Variants in FUT8 observed in about 807,000 individuals in gnomAD.
FUT8 encodes the protein fucosyltransferase 8.
FUT8 carries 29 observed loss-of-function variants against 71.3 expected under a neutral mutation model. The observed-to-expected ratio is 0.41, with a 90% confidence interval of 0.30 to 0.55. FUT8 has a LOEUF of 0.55. Among genes scored for constraint, FUT8 ranks in the 20% least tolerant of loss-of-function variants. FUT8 has a pLI of 0.34. For synonymous variants in FUT8, 254 were observed against 239.3 expected (o/e 1.06, Z -0.57); for missense variants, 544 against 702.1 (o/e 0.77, Z 2.55).
intron 7 of FUT8, among the ~76,000 whole-genome samples, chr14:65,687,363 T>A (rs1256381773): frequency 6.6e-6 from 1 of 152,186 alleles, no homozygotes; most frequent in Admixed American, 6.5e-5. Flanking sequence ...TTGTGTTAAT[T>A]GGACAGTAGT....
In FUT8 at chr14:65,514,087, G is replaced by A. The variant is rs1160947697; in HGVS notation, c.-227-47250G>A. Among the ~76,000 whole-genome samples, 3 of 152,200 alleles carry A rather than the reference G, an allele frequency of 2.0e-5. No homozygotes were observed. The East Asian group carries it at 5.8e-4, about 29-fold the overall frequency. ...TATAAGCTGGCTAAAACTGGCTTAGGGTCTGTAGCATTTTAGCAGGAAAGA... is the reference window on the plus strand; with the variant it reads ...TATAAGCTGGCTAAAACTGGCTTAGAGTCTGTAGCATTTTAGCAGGAAAGA... On this transcript the variant is annotated intron_variant, in intron 2 of 10. Transcript: ENST00000673929.
intron 3 of FUT8, among the ~76,000 whole-genome samples, chr14:65,572,155 A>G (rs1274563206): frequency 1.3e-5 from 2 of 152,288 alleles, no homozygotes; most frequent in East Asian, 1.9e-4. Flanking sequence ...GTGGCACCCT[A>G]TCAACTAGAT....
intron 2 of FUT8, among the ~76,000 whole-genome samples, chr14:65,532,722 T>C (rs1416589717): frequency 2.0e-5 from 3 of 152,214 alleles, no homozygotes; most frequent in African/African-American, 2.4e-5. Context: ...CCAGGTCCTA[T>C]GTTCAGAATG....
intron 7 of FUT8, among the ~76,000 whole-genome samples, chr14:65,688,880 C>T (rs1014196599): frequency 6.6e-6 from 1 of 152,204 alleles, no homozygotes; most frequent in Admixed American, 6.5e-5. Context: ...GGCCTTCTTC[C>T]TGGTGTTTAC....
chr14:65,728,991 T>C (rs1352826202), intron 9 of FUT8, among the ~76,000 whole-genome samples: 2 of 151,064 alleles, frequency 1.3e-5, no homozygotes, highest in African/African-American at 4.9e-5. Context: ...AATACAGCAA[T>C]AGATCCATTC....
chr14:65,526,081 C>G (rs1462628807), intron 2 of FUT8, among the ~76,000 whole-genome samples: 2 of 152,150 alleles, frequency 1.3e-5, no homozygotes, highest in African/African-American at 2.4e-5. Context: ...ATTAGGTCTG[C>G]TTGGTGCAGA....
At chr14:65,685,206 A>T (rs1218062433) in intron 7 of FUT8, among the ~76,000 whole-genome samples, 1 of 152,190 alleles carries the variant, frequency 6.6e-6, no homozygotes, top group Non-Finnish European at 1.5e-5. Flanking sequence ...GGAGTATGAG[A>T]CAGCATATTT....
chr14:65,720,250 A>G (rs1042097854), intron 7 of FUT8, among the ~76,000 whole-genome samples: 4 of 152,168 alleles, frequency 2.6e-5, no homozygotes, highest in Admixed American at 2.6e-4. Flanking sequence ...CACCACCACT[A>G]CAAGCCCACA....
At chr14:65,654,716 C>G (rs1399866364) in intron 6 of FUT8, among the ~76,000 whole-genome samples, 2 of 151,916 alleles carry the variant, frequency 1.3e-5, no homozygotes, top group East Asian at 1.9e-4. Context: ...AAAAAAGGTT[C>G]AGAGTATGCA....
At chr14:65,513,658 A>AATAAG (rs1882512804) in intron 2 of FUT8, among the ~76,000 whole-genome samples, 1 of 151,842 alleles carries the variant, frequency 6.6e-6, no homozygotes, top group Non-Finnish European at 1.5e-5. Context: ...AACAAAACAA[A>AATAAG]AAATCGATCA....
chr14:65,561,828 G>C, intron 3 of FUT8, 62 bp downstream of exon 3: 2 of 1,277,512 alleles, frequency 1.6e-6, no homozygotes, highest in East Asian at 4.7e-5. Context: ...TAGGTGTAGG[G>C]CTTCATTCCG....
intron 7 of FUT8, among the ~76,000 whole-genome samples, chr14:65,708,914 G>C (rs1894685692): frequency 6.6e-6 from 1 of 152,114 alleles, no homozygotes; most frequent in African/African-American, 2.4e-5. Context: ...TAAACTGTAG[G>C]AATAAGTTTT....
At chr14:65,741,573 AAAAAG>A (rs1366867619) in intron 10 of FUT8, among the ~76,000 whole-genome samples, 1 of 152,066 alleles carries the variant, frequency 6.6e-6, no homozygotes, top group Non-Finnish European at 1.5e-5. Context: ...TAATTTAAAA[AAAAAG>A]AAAACAGTTC....
intron 8 of FUT8, among the ~76,000 whole-genome samples, chr14:65,722,889 G>T (rs1223483275): frequency 6.6e-6 from 1 of 152,124 alleles, no homozygotes; most frequent in Non-Finnish European, 1.5e-5. Flanking sequence ...CATATACTGT[G>T]ACCTAAAGGC....
Position 65,602,339 on chromosome 14 carries a change from TCTCTCACACACACACACACACACA to T in FUT8, c.204-13637_204-13614del, listed in dbSNP as rs1412236377. ...ATTTTCATGGCCGAGTAGCGTTCCA[TCTCTCACACACACACACACACACA>T]CACACACACACACACACACACACAC... is the stretch of plus-strand genomic sequence containing the variant. On this transcript the variant is annotated intron_variant, in intron 3 of 10. Coordinates refer to ENST00000673929, the MANE Select transcript of FUT8 (RefSeq NM_001371533.1). Among the ~76,000 whole-genome samples the T allele has an allele frequency of 9.9e-3, 878 of 88,252 alleles. 26 individuals carry two copies. The highest frequency in any genetic ancestry group is 0.015 in the South Asian group (33 of 2,142). 57.9% of individuals were successfully genotyped at this position (88,252 alleles called of 152,430 possible). A position where few individuals can be genotyped will look rare whatever the true frequency, so the allele number is the denominator to read the frequency against.
At chr14:65,618,010 CATATAT>C (rs149450437) in intron 5 of FUT8, among the ~76,000 whole-genome samples, 2,201 of 86,776 alleles carry the variant, frequency 0.025, 48 homozygotes, top group South Asian at 0.078. Flanking sequence ...AAAATTAATT[CATATAT>C]ATATATATAT....
intron 2 of FUT8, among the ~76,000 whole-genome samples, chr14:65,512,706 CA>C (rs1459399192): frequency 6.6e-6 from 1 of 151,732 alleles, no homozygotes; most frequent in Non-Finnish European, 1.5e-5. Context: ...GTCAAGAGTT[CA>C]ACAGCAGCCT....
chr14:65,405,272 T>C, the FUT8 span, among the ~76,000 whole-genome samples: 2 of 152,344 alleles, frequency 1.3e-5, no homozygotes, highest in East Asian at 3.9e-4. Context: ...CCACATCCAT[T>C]GCAGGGGAGA....
chr14:65,479,785 G>A (rs2066301386), intron 2 of FUT8: 1 of 152,138 alleles, frequency 6.6e-6, no homozygotes, highest in South Asian at 2.1e-4. Context: ...GTCCAGAAAG[G>A]TGGGGTAATT....
Sources: allele counts gnomAD v4.1 joint callset (sites outside exome capture counted in the v4.1 genomes callset), GRCh38; gene constraint gnomAD v4.1.1; transcripts MANE v1.5; gene names NCBI Gene and HGNC (gene_info 2026-07-23, HGNC 2026-07-21).